Variants in PDZD4 observed in about 807,000 individuals in gnomAD.
The protein encoded by PDZD4 is PDZ domain containing 4.
PDZD4 carries 9 observed loss-of-function variants against 38.5 expected under a neutral mutation model. That is an observed-to-expected ratio of 0.23 (90% CI 0.14 to 0.41). The LOEUF is 0.41. PDZD4 is among the 10% of genes least tolerant of loss of function. PDZD4 has a pLI of 1.00. For missense variants in PDZD4, 612 were observed against 722.0 expected, an observed-to-expected ratio of 0.85 and a Z score of 1.75; for synonymous variants, 349 against 315.7, an observed-to-expected ratio of 1.11 and a Z score of -1.12.
intron 1 of PDZD4, among the ~76,000 whole-genome samples, chrX:153,816,854 A>T (rs2064368195): frequency 9.0e-6 from 1 of 111,281 alleles, no homozygotes; most frequent in Non-Finnish European, 1.9e-5. Flanking sequence ...TGGTGGCATG[A>T]CCCCAGGGGT....
chrX:153,806,251 C>A, intron 4 of PDZD4, 118 bp from the exon 5 acceptor site: 1 of 710,096 alleles, frequency 1.4e-6, no homozygotes, highest in South Asian at 2.3e-5. Context: ...CCCCTTCCAG[C>A]TCTGAGCCCC....
At chrX:153,815,425 A>G (rs2064351384) in intron 1 of PDZD4, among the ~76,000 whole-genome samples, 1 of 111,777 alleles carries the variant, frequency 8.9e-6, no homozygotes, top group Admixed American at 9.4e-5. Context: ...TTCTAGACAC[A>G]CTTAGTCTGA....
chrX:153,805,828 G>A (rs1168631890), intron 5 of PDZD4, among the ~76,000 whole-genome samples: 3 of 112,161 alleles, frequency 2.7e-5, no homozygotes, highest in Non-Finnish European at 5.6e-5. Context: ...AGAGGGAGAG[G>A]GGCCAGGAGG....
At chrX:153,825,610 G>C (rs1468248470) in intron 1 of PDZD4, among the ~76,000 whole-genome samples, 1 of 112,303 alleles carries the variant, frequency 8.9e-6, no homozygotes, top group Non-Finnish European at 1.9e-5. Context: ...CTGAGGTTCC[G>C]ACATGACACA....
intron 1 of PDZD4, among the ~76,000 whole-genome samples, chrX:153,820,349 CAA>C (rs140401659): frequency 1.3e-3 from 24 of 18,229 alleles, no homozygotes; most frequent in African/African-American, 6.9e-3. Flanking sequence ...GACTCCATCT[CAA>C]AAAAAAAAAA....
At chrX:153,817,901 G>A (rs1318430996) in intron 1 of PDZD4, among the ~76,000 whole-genome samples, 1 of 112,162 alleles carries the variant, frequency 8.9e-6, no homozygotes, top group Non-Finnish European at 1.9e-5. Flanking sequence ...TAACTGGGTG[G>A]CATGTGACCA....
chrX:153,830,415 CG>C lies in PDZD4; in HGVS notation c.-118del. 2.1e-6 allele frequency: 1 copy of C among 478,339 alleles called. No homozygotes were observed. Among genetic ancestry groups the C allele is most frequent in the Middle Eastern group, 6.5e-4 (1 of 1,544 alleles). The allele number at this position is 478,339 out of a possible 1,213,427, so 39.4% of individuals were successfully genotyped here. A position where few individuals can be genotyped will look rare whatever the true frequency, so the allele number is the denominator to read the frequency against. ...AGGGGCCATACCCTGGCGCGGGGGGCGGGCCGCCTAGCGGGGGAGGGGGGCA... is the reference window on the plus strand; with the variant it reads ...AGGGGCCATACCCTGGCGCGGGGGGCGGCCGCCTAGCGGGGGAGGGGGGCA... On this transcript the variant is annotated 5_prime_UTR_variant, in exon 1 of 8. Transcript: ENST00000393758.
rs782151064 is a variant in PDZD4, at chrX:153,803,359, G to T, written c.2322C>A (p.Thr774=). 7 of 1,132,684 alleles carry T rather than the reference G, an allele frequency of 6.2e-6. No homozygotes were observed. Among genetic ancestry groups the T allele is most frequent in the Non-Finnish European group, 8.1e-6 (7 of 861,592 alleles). 93.3% of individuals were successfully genotyped at this position (1,132,684 alleles called of 1,213,427 possible). The change falls in exon 8 of 8, where the codon ACC becomes ACA. Residue 774 remains threonine (T), a synonymous_variant. Transcript: ENST00000393758. ...RVYNPLLSVT[T]V ...GTGTACCCGCCCGGGCAGCTCACAC[G>T]GTGGTGACTGAGAGAAGAGGGTTGT...
chrX:153,816,006 C>A (rs1220264633), intron 1 of PDZD4, among the ~76,000 whole-genome samples: 1 of 99,513 alleles, frequency 1.0e-5, no homozygotes, highest in Non-Finnish European at 2.0e-5. Context: ...TCGCCCCAGG[C>A]CCGGTCGGCA....
At position 153,803,261 on chromosome X, in the gene PDZD4, G is replaced by GCAAACACA; in HGVS notation, c.*91_*92insTGTGTTTG. On this transcript the variant is annotated 3_prime_UTR_variant, in exon 8 of 8. Transcript: ENST00000393758. ...GTGCGCACAGCGAGCACGCGCGCGC[G>GCAAACACA]CACACACACACACACACAATCTCTA... 1 of 579,960 alleles carries GCAAACACA rather than the reference G, an allele frequency of 1.7e-6. No individual in the cohort carries two copies. The highest frequency in any genetic ancestry group is 2.4e-6 in the Non-Finnish European group (1 of 417,881). The allele number at this position is 579,960 out of a possible 1,213,427, so 47.8% of individuals were successfully genotyped here.
intron 1 of PDZD4, among the ~76,000 whole-genome samples, chrX:153,819,547 CT>C (rs1483550909): frequency 3.6e-5 from 4 of 112,281 alleles, no homozygotes; most frequent in Admixed American, 1.9e-4. Flanking sequence ...CCTTACCCCA[CT>C]GCTGTAGAGT....
In PDZD4 at chrX:153,805,485, G is replaced by A. The variant is rs188719613; in HGVS notation, c.669+20C>T. ...AAGCCTGATGTCGTGGCCCCGGGTC[G>A]CCCTGCCAGGCATACACACCTGACT... On this transcript the variant is annotated intron_variant, in intron 6 of 7. Transcript: ENST00000393758. 86 of 1,165,229 alleles carry A rather than the reference G, an allele frequency of 7.4e-5. No homozygotes were observed. In the East Asian group the frequency reaches 9.0e-4, roughly 12 times the overall value.
intron 1 of PDZD4, among the ~76,000 whole-genome samples, chrX:153,821,154 G>A (rs73640829): frequency 0.019 from 2,091 of 111,626 alleles, 48 homozygotes; most frequent in African/African-American, 0.065. Flanking sequence ...CACACCACCC[G>A]CTTCCATAAC....
chrX:153,810,968 G>GT (rs1225453300), intron 1 of PDZD4, among the ~76,000 whole-genome samples: 1 of 112,263 alleles, frequency 8.9e-6, no homozygotes, highest in East Asian at 2.8e-4. Flanking sequence ...TCATTTTTTT[G>GT]TTTTTTGGGG....
intron 1 of PDZD4, among the ~76,000 whole-genome samples, chrX:153,814,351 G>A (rs1249045832): frequency 9.0e-6 from 1 of 110,764 alleles, no homozygotes; most frequent in East Asian, 2.9e-4. Flanking sequence ...GTGCACGCCT[G>A]TAATCTCAGC....
In PDZD4 at chrX:153,803,557, C is replaced by T; in HGVS notation, c.2124G>A (p.Arg708=). 8.3e-7 allele frequency: 1 copy of T among 1,208,799 alleles called. No individual in the cohort carries two copies. The highest frequency in any genetic ancestry group is 3.0e-5 in the East Asian group (1 of 33,788). Residue 708 remains arginine (R), a synonymous_variant, in exon 8 of 8, where the codon CGG becomes CGA. Coordinates refer to ENST00000393758, the MANE Select transcript of PDZD4 (RefSeq NM_001303512.2). The part of the protein sequence containing the change: ...RKRREFMMQS[R]LECLREQQNG... ...TCTGCTGCTCCCGCAGGCACTCCAG[C>T]CGGCTCTGCATCATGAACTCGCGCC...
At chrX:153,808,670 AGCTGGCAGGACCTGG>A in intron 1 of PDZD4, 75 bp from the exon 2 acceptor site, 1 of 1,053,792 alleles carries the variant, frequency 9.5e-7, no homozygotes, top group Non-Finnish European at 1.2e-6. Flanking sequence ...CAGAGGCCCT[AGCTGGCAGGACCTGG>A]GCTGACAACC....
In PDZD4 at chrX:153,830,485, T is replaced by G; in HGVS notation, c.-187A>C. The G allele has an allele frequency of 8.8e-6, 3 of 342,445 alleles. No individual in the cohort carries two copies. Among genetic ancestry groups the G allele is most frequent in the Non-Finnish European group, 1.0e-5 (2 of 194,699 alleles). 28.2% of individuals were successfully genotyped at this position (342,445 alleles called of 1,213,427 possible). A position where few individuals can be genotyped will look rare whatever the true frequency, so the allele number is the denominator to read the frequency against. On this transcript the variant is annotated 5_prime_UTR_variant, in exon 1 of 8. Coordinates refer to ENST00000393758, the MANE Select transcript of PDZD4 (RefSeq NM_001303512.2). Reference sequence around the variant, plus strand: ...AGCGGCTCGCCCCTCAGGTTAACTCTTCGCTGGCCGAGGCCAGGCGCGGGC... The same window carrying G: ...AGCGGCTCGCCCCTCAGGTTAACTCGTCGCTGGCCGAGGCCAGGCGCGGGC...
At chrX:153,825,221 C>G (rs1201541753) in intron 1 of PDZD4, among the ~76,000 whole-genome samples, 3 of 112,356 alleles carry the variant, frequency 2.7e-5, no homozygotes, top group Non-Finnish European at 5.6e-5. Context: ...ACAGGCGGTC[C>G]TGACCCACTC....
Sources: allele counts gnomAD v4.1 joint callset (sites outside exome capture counted in the v4.1 genomes callset), GRCh38; gene constraint gnomAD v4.1.1; transcripts MANE v1.5; gene names NCBI Gene and HGNC (gene_info 2026-07-23, HGNC 2026-07-21).